SLCO1C1: variants seen among roughly 807,000 people sequenced by gnomAD.
The protein encoded by SLCO1C1 is OAT-RP-5.
In SLCO1C1, 70 loss-of-function variants were observed where a neutral mutation model predicts 76.4. That is an observed-to-expected ratio of 0.92 (90% CI 0.76 to 1.12). SLCO1C1 has a LOEUF of 1.12. Among genes scored for constraint, SLCO1C1 ranks in the 50% most tolerant of loss-of-function variants. The pLI is 0.00. For missense variants in SLCO1C1, 912 were observed against 823.8 expected (o/e 1.11, Z -1.31); for synonymous variants, 306 against 286.1 (o/e 1.07, Z -0.70).
chr12:20,746,310 A>G (rs1949040795), intron 13 of SLCO1C1, among the ~76,000 whole-genome samples: 4 of 152,180 alleles, frequency 2.6e-5, no homozygotes, highest in Admixed American at 2.6e-4. Flanking sequence ...AATTTGGAGA[A>G]TATCAGGACA....
intron 11 of SLCO1C1, 114 bp from the exon 12 acceptor site, chr12:20,740,070 T>A (rs2120874547): frequency 9.6e-7 from 1 of 1,039,044 alleles, no homozygotes; most frequent in East Asian, 2.6e-5. Context: ...AATAAAAGAA[T>A]ATTTCCTCAT....
intron 2 of SLCO1C1, among the ~76,000 whole-genome samples, chr12:20,700,547 C>T (rs961672279): frequency 5.3e-5 from 8 of 151,550 alleles, no homozygotes; most frequent in Non-Finnish European, 7.4e-5. Context: ...GTGCTGCACC[C>T]GTTAACTCGT....
At chr12:20,740,453 A>T (rs778213855) in intron 12 of SLCO1C1, 85 bp downstream of exon 12, 17 of 1,231,328 alleles carry the variant, frequency 1.4e-5, no homozygotes, top group Non-Finnish European at 1.9e-5. Context: ...TGTGGAGTCT[A>T]TGATTCCTCT....
intron 13 of SLCO1C1, among the ~76,000 whole-genome samples, chr12:20,748,859 C>T (rs1256955306): frequency 6.6e-6 from 1 of 152,142 alleles, no homozygotes; most frequent in Non-Finnish European, 1.5e-5. Flanking sequence ...GGAAGCACAT[C>T]ATTTCAGTTT....
At chr12:20,711,334 C>T (rs1592241912) in intron 4 of SLCO1C1, 52 bp from the exon 5 acceptor site, 1 of 1,571,754 alleles carries the variant, frequency 6.4e-7, no homozygotes, top group Non-Finnish European at 8.7e-7. Flanking sequence ...ACATAATATT[C>T]TTAGTATGAT....
chr12:20,748,146 A>G (rs1221941214), intron 13 of SLCO1C1, among the ~76,000 whole-genome samples: 1 of 152,214 alleles, frequency 6.6e-6, no homozygotes, highest in Non-Finnish European at 1.5e-5. Context: ...GTAGGTTTGA[A>G]TTAAGAACCA....
At chr12:20,710,750 C>A (rs1421727944) in intron 4 of SLCO1C1, among the ~76,000 whole-genome samples, 2 of 152,118 alleles carry the variant, frequency 1.3e-5, no homozygotes, top group African/African-American at 4.8e-5. Flanking sequence ...CCTTGTAATT[C>A]TACTAAATTT....
chr12:20,716,885 CAG>C (rs1565514084), intron 6 of SLCO1C1, among the ~76,000 whole-genome samples: 1 of 152,114 alleles, frequency 6.6e-6, no homozygotes, highest in Non-Finnish European at 1.5e-5. Flanking sequence ...TTAATTTCCT[CAG>C]AGTATTAATG....
chr12:20,721,905 T>C lies in SLCO1C1; in HGVS notation c.877T>C (p.Trp293Arg). The C allele has an allele frequency of 1.2e-6, 2 of 1,614,186 alleles. No homozygotes were observed. The highest frequency in any genetic ancestry group is 1.7e-6 in the Non-Finnish European group (2 of 1,180,016). Residue 293 changes from tryptophan to arginine, a missense_variant, in exon 8 of 15, where the codon TGG becomes CGG. Trp to Arg is a moderately radical substitution (Grantham distance 101, BLOSUM62 -3). Coordinates refer to ENST00000266509, the MANE Select transcript of SLCO1C1 (RefSeq NM_017435.5). ...AAGTCTTCTTGCAGCTGTGCCTTTCTGGTATTTACCAAAGAGTTTACCAAG... is the reference window on the plus strand; with the variant it reads ...AAGTCTTCTTGCAGCTGTGCCTTTCCGGTATTTACCAAAGAGTTTACCAAG... ...IISLLAAVPF[W>R]YLPKSLPRSQ...
intron 7 of SLCO1C1, among the ~76,000 whole-genome samples, chr12:20,720,858 G>A (rs1193031118): frequency 1.3e-5 from 2 of 152,030 alleles, no homozygotes; most frequent in Non-Finnish European, 2.9e-5. Flanking sequence ...TTAGCCGGGC[G>A]TGGTGGCACA....
At chr12:20,729,752 G>T (rs1948184320) in intron 9 of SLCO1C1, among the ~76,000 whole-genome samples, 1 of 151,764 alleles carries the variant, frequency 6.6e-6, no homozygotes, top group Non-Finnish European at 1.5e-5. Flanking sequence ...TAAATCAAGA[G>T]AAAAGGATAA....
chr12:20,713,083 C>CTTT (rs71039973), intron 5 of SLCO1C1, among the ~76,000 whole-genome samples: 5 of 142,588 alleles, frequency 3.5e-5, no homozygotes, highest in East Asian at 2.1e-4. Context: ...AAGATGTTTT[C>CTTT]TTTTTTTTTT....
At chr12:20,735,440 A>G (rs1283565239) in intron 10 of SLCO1C1, among the ~76,000 whole-genome samples, 2 of 152,168 alleles carry the variant, frequency 1.3e-5, no homozygotes, top group African/African-American at 4.8e-5. Flanking sequence ...GATTACTCCA[A>G]TGTTCCCTCC....
chr12:20,706,517 G>A (rs1946784364), intron 4 of SLCO1C1, among the ~76,000 whole-genome samples: 1 of 152,114 alleles, frequency 6.6e-6, no homozygotes, highest in South Asian at 2.1e-4. Flanking sequence ...TGTCCATACA[G>A]TATCTCTTAG....
At chr12:20,701,902 G>T (rs1293163360) in intron 3 of SLCO1C1, among the ~76,000 whole-genome samples, 3 of 151,850 alleles carry the variant, frequency 2.0e-5, no homozygotes, top group African/African-American at 7.3e-5. Flanking sequence ...TCATAAAAGG[G>T]ATTTTTCCAC....
intron 10 of SLCO1C1, 106 bp downstream of exon 10, chr12:20,733,210 G>A: frequency 1.9e-6 from 2 of 1,062,080 alleles, no homozygotes; most frequent in Non-Finnish European, 2.6e-6. Flanking sequence ...CATAACTATG[G>A]TAAGCAACTT....
At chr12:20,745,590 C>A (rs367662088) in intron 13 of SLCO1C1, among the ~76,000 whole-genome samples, 22 of 151,874 alleles carry the variant, frequency 1.4e-4, no homozygotes, top group African/African-American at 4.8e-4. Context: ...TTTGAGAGGC[C>A]GAGGCAGGTG....
rs113334970 is a variant in SLCO1C1 at position 20,724,815 on chromosome 12, C to T, written c.1186+1561C>T. 4.2e-4 allele frequency among the ~76,000 whole-genome samples: 61 copies of T among 145,774 alleles called. 2 individuals carry two copies. Among genetic ancestry groups the T allele is most frequent in the African/African-American group, 1.5e-3 (61 of 40,252 alleles). On this transcript the variant is annotated intron_variant, in intron 9 of 14. Transcript: ENST00000266509. ...CATTTGTGTTGTTTTCTGCTTTCAA[C>T]TAATAGTTATTTATAATACTATAAT...
In SLCO1C1 at chr12:20,752,759, A is replaced by G. The variant is rs1949373092; in HGVS notation, c.*231A>G. Reference sequence around the variant, plus strand: ...TTTTAATTTATATAAATTATTTTATATCACTTACTTATTTCACTTTATTTT... The same window carrying G: ...TTTTAATTTATATAAATTATTTTATGTCACTTACTTATTTCACTTTATTTT... On this transcript the variant is annotated 3_prime_UTR_variant, in exon 15 of 15. Transcript: ENST00000266509. 3.1e-6 allele frequency: 1 copy of G among 324,600 alleles called. No homozygotes were observed. Among genetic ancestry groups the G allele is most frequent in the South Asian group, 1.0e-4 (1 of 9,538 alleles). The allele number at this position is 324,600 out of a possible 1,614,324, so 20.1% of individuals were successfully genotyped here.
Sources: allele counts gnomAD v4.1 joint callset (sites outside exome capture counted in the v4.1 genomes callset), GRCh38; gene constraint gnomAD v4.1.1; transcripts MANE v1.5; gene names NCBI Gene and HGNC (gene_info 2026-07-23, HGNC 2026-07-21).